The following UBE2E2 variants were observed in gnomAD, a reference collection of about 807,000 sequenced individuals.
UBE2E2 encodes the protein ubiquitin-conjugating enzyme E2 E2.
Under a neutral mutation model 24.7 loss-of-function variants are expected in UBE2E2, and 6 were observed. The observed-to-expected ratio is 0.24, with a 90% confidence interval of 0.13 to 0.48. The LOEUF (loss-of-function observed/expected upper bound fraction) is 0.48, where lower values mean the gene tolerates loss of function less well. Ranked by LOEUF, UBE2E2 falls within the 20% of genes least tolerant of loss-of-function variation. The pLI is 0.99. For missense variants in UBE2E2, 169 were observed against 245.0 expected, an observed-to-expected ratio of 0.69 and a Z score of 2.07; for synonymous variants, 104 against 83.6, an observed-to-expected ratio of 1.24 and a Z score of -1.33.
intron 3 of UBE2E2, among the ~76,000 whole-genome samples, chr3:23,301,217 C>G (rs1466264000): frequency 6.6e-6 from 1 of 152,010 alleles, no homozygotes; most frequent in Non-Finnish European, 1.5e-5. Flanking sequence ...TACTTCTTTG[C>G]TATTGTTTCG....
At chr3:23,394,222 A>T (rs1255662493) in intron 3 of UBE2E2, among the ~76,000 whole-genome samples, 1 of 152,174 alleles carries the variant, frequency 6.6e-6, no homozygotes, top group Admixed American at 6.5e-5. Flanking sequence ...ATAGTAATTT[A>T]CCTGGTTCTT....
chr3:23,521,560 T>G (rs1276975101), intron 4 of UBE2E2, among the ~76,000 whole-genome samples: 1 of 152,210 alleles, frequency 6.6e-6, no homozygotes. Context: ...ACATAATGGT[T>G]GTTAAGTTTG....
rs576005390 is a variant in UBE2E2 at position 23,473,228 on chromosome 3, G to GA, written c.228-26372dup. Among the ~76,000 whole-genome samples, 160 of 151,224 alleles carry GA rather than the reference G, an allele frequency of 1.1e-3. 1 individual carries two copies. The highest frequency in any genetic ancestry group is 3.4e-3 in the African/African-American group (138 of 41,170). ...AATAGTTTTTGTCATGTTTAAATGG[G>GA]AAAAAAAAGCACAAAGGAAAGTTTT... On this transcript the variant is annotated intron_variant, in intron 3 of 5. Coordinates refer to ENST00000396703, the MANE Select transcript of UBE2E2 (RefSeq NM_152653.4).
chr3:23,468,254 C>G (rs959089599), intron 3 of UBE2E2, among the ~76,000 whole-genome samples: 2 of 152,278 alleles, frequency 1.3e-5, no homozygotes, highest in East Asian at 1.9e-4. Context: ...GTTGTTTTCT[C>G]TGGACTTTCA....
intron 3 of UBE2E2, among the ~76,000 whole-genome samples, chr3:23,259,800 T>C (rs893199814): frequency 4.6e-5 from 7 of 152,178 alleles, no homozygotes; most frequent in African/African-American, 1.7e-4. Context: ...CCTCGAGAGT[T>C]TTCCCAATTC....
At chr3:23,501,486 A>G (rs755785918) in intron 4 of UBE2E2, among the ~76,000 whole-genome samples, 41 of 152,198 alleles carry the variant, frequency 2.7e-4, no homozygotes, top group Non-Finnish European at 4.3e-4. Flanking sequence ...AGGTTTTCCA[A>G]GAGTGTACAA....
intron 5 of UBE2E2, among the ~76,000 whole-genome samples, chr3:23,533,678 C>T (rs1490820846): frequency 7.9e-6 from 1 of 125,996 alleles, no homozygotes; most frequent in Non-Finnish European, 1.5e-5. Context: ...GGCTGGAGTG[C>T]AGTGGCACGA....
chr3:23,313,659 A>G (rs1694479653), intron 3 of UBE2E2, among the ~76,000 whole-genome samples: 1 of 152,094 alleles, frequency 6.6e-6, no homozygotes, highest in Non-Finnish European at 1.5e-5. Context: ...CTGGGATTAC[A>G]GGTGTGAGCC....
chr3:23,377,332 T>G lies in UBE2E2; in HGVS notation c.228-122276T>G, dbSNP rs1035245417. Among the ~76,000 whole-genome samples, 8 of 152,366 alleles carry G rather than the reference T, an allele frequency of 5.3e-5. No homozygotes were observed. The South Asian group carries it at 8.3e-4, about 16-fold the overall frequency. ...GCCTGCATCTAAAAGTGTGTTACTC[T>G]GTGACTTGGCTCACTGTAATAGTAA... On this transcript the variant is annotated intron_variant, in intron 3 of 5. Transcript: ENST00000396703.
At chr3:23,261,239 C>T (rs997402070) in intron 3 of UBE2E2, among the ~76,000 whole-genome samples, 1 of 150,798 alleles carries the variant, frequency 6.6e-6, no homozygotes, top group Admixed American at 6.6e-5. Context: ...TAATATTCTA[C>T]TTAGAAATTC....
At chr3:23,409,796 TC>T (rs200290669) in intron 3 of UBE2E2, among the ~76,000 whole-genome samples, 4,377 of 152,246 alleles carry the variant, frequency 0.029, 109 homozygotes, top group East Asian at 0.13. Flanking sequence ...TCTTGCCTCT[TC>T]CTGTCTTCTG....
chr3:23,273,060 C>G (rs1698289159), intron 3 of UBE2E2, among the ~76,000 whole-genome samples: 1 of 152,138 alleles, frequency 6.6e-6, no homozygotes, highest in African/African-American at 2.4e-5. Context: ...TCAAAAAACA[C>G]CCTCACAGAC....
chr3:23,272,133 C>T (rs907342253), intron 3 of UBE2E2, among the ~76,000 whole-genome samples: 7 of 152,150 alleles, frequency 4.6e-5, no homozygotes, highest in African/African-American at 2.4e-5. Context: ...CCAGGGGGCT[C>T]GGCCATGGCG....
At chr3:23,460,972 A>T (rs1167099480) in intron 3 of UBE2E2, among the ~76,000 whole-genome samples, 1 of 152,208 alleles carries the variant, frequency 6.6e-6, no homozygotes, top group African/African-American at 2.4e-5. Context: ...AAAACCAGTA[A>T]GGTTTTCTTA....
At chr3:23,411,610 C>A (rs1245014216) in intron 3 of UBE2E2, among the ~76,000 whole-genome samples, 1 of 152,108 alleles carries the variant, frequency 6.6e-6, no homozygotes, top group Non-Finnish European at 1.5e-5. Context: ...CTCAATATTA[C>A]AACTTTAAAA....
intron 3 of UBE2E2, among the ~76,000 whole-genome samples, chr3:23,495,696 G>A (rs1699584323): frequency 5.3e-5 from 8 of 152,096 alleles, no homozygotes; most frequent in Admixed American, 5.2e-4. Context: ...ATTCATCTGA[G>A]TGAGTGAGCT....
At chr3:23,462,695 A>C (rs1305329498) in intron 3 of UBE2E2, among the ~76,000 whole-genome samples, 18 of 152,164 alleles carry the variant, frequency 1.2e-4, no homozygotes, top group Non-Finnish European at 2.6e-4. Context: ...AATGTGAAAA[A>C]AAATACTTTT....
intron 3 of UBE2E2, among the ~76,000 whole-genome samples, chr3:23,343,766 A>G (rs1388713003): frequency 2.0e-5 from 3 of 152,160 alleles, no homozygotes; most frequent in Non-Finnish European, 4.4e-5. Flanking sequence ...TTCTCACACC[A>G]TTGATAAGTT....
intron 3 of UBE2E2, among the ~76,000 whole-genome samples, chr3:23,460,973 G>T (rs1479163894): frequency 6.6e-6 from 1 of 152,110 alleles, no homozygotes; most frequent in Non-Finnish European, 1.5e-5. Flanking sequence ...AAACCAGTAA[G>T]GTTTTCTTAT....
Sources: gnomAD v4.1 joint callset for allele counts (sites outside exome capture counted in the v4.1 genomes callset) on GRCh38, gnomAD v4.1.1 for gene constraint, MANE v1.5 for transcripts, NCBI Gene and HGNC (gene_info 2026-07-23, HGNC 2026-07-21) for gene names.